The following EML6 variants were observed in gnomAD, a reference collection of about 807,000 sequenced individuals.
The protein encoded by EML6 is echinoderm microtubule-associated protein-like 6.
A neutral mutation model predicts 240.1 loss-of-function variants in EML6; 154 were observed. The ratio of observed to expected loss-of-function variants is 0.64; its 90% CI spans 0.56 to 0.73. The LOEUF is 0.73. Ranked by LOEUF, EML6 falls within the 30% of genes least tolerant of loss-of-function variation. The probability of loss-of-function intolerance (pLI) is 0.00; values close to 1 mark genes in which losing one functional copy is unlikely to be tolerated. For synonymous variants in EML6, 1,148 were observed against 899.0 expected (o/e 1.28, Z -4.95); for missense variants, 2,964 against 2,474.6 (o/e 1.20, Z -4.20).
chr2:54,814,651 A>C (rs559797887), intron 3 of EML6, among the ~76,000 whole-genome samples: 1 of 152,228 alleles, frequency 6.6e-6, no homozygotes, highest in East Asian at 1.9e-4. Context: ...GAAATTATTC[A>C]TAGAGGCTTA....
chr2:54,895,433 A>C (rs1201609113), intron 21 of EML6, 33 bp downstream of exon 21: 2 of 1,549,704 alleles, frequency 1.3e-6, no homozygotes, highest in Non-Finnish European at 1.7e-6. Flanking sequence ...ACTGCAGTTC[A>C]CATCAAGGCT....
chr2:54,852,193 T>A (rs1670126834), intron 10 of EML6, among the ~76,000 whole-genome samples: 1 of 152,240 alleles, frequency 6.6e-6, no homozygotes, highest in South Asian at 2.1e-4. Flanking sequence ...ATTTTTTAAA[T>A]GCTATTTTTG....
intron 28 of EML6, among the ~76,000 whole-genome samples, chr2:54,932,235 C>G (rs966463779): frequency 1.5e-4 from 23 of 152,222 alleles, no homozygotes. Context: ...TCCAGCTTTC[C>G]TCTAACACAC....
intron 2 of EML6, among the ~76,000 whole-genome samples, chr2:54,772,310 A>G (rs1364748615): frequency 3.9e-5 from 6 of 152,212 alleles, no homozygotes. Context: ...GAGAAGTGCT[A>G]TGGAAATATG....
At chr2:54,798,458 C>G (rs1003707570) in intron 2 of EML6, among the ~76,000 whole-genome samples, 1 of 152,126 alleles carries the variant, frequency 6.6e-6, no homozygotes. Flanking sequence ...CAGGCGTGAG[C>G]GACCACACCC....
Position 54,786,679 on chromosome 2 carries a change from A to G in EML6, c.198-26553A>G, listed in dbSNP as rs1293920428. 2.6e-5 allele frequency among the ~76,000 whole-genome samples: 4 copies of G among 152,244 alleles called. No individual in the cohort carries two copies. The East Asian group carries it at 7.7e-4, about 29-fold the overall frequency. On this transcript the variant is annotated intron_variant, in intron 2 of 41. Coordinates refer to ENST00000356458, the MANE Select transcript of EML6 (RefSeq NM_001039753.4). Reference sequence around the variant, plus strand: ...TATTATAGGACTCCATTGAGTCCAGATTTCAACAAAGAAATGGAGCAAACA... The same window carrying G: ...TATTATAGGACTCCATTGAGTCCAGGTTTCAACAAAGAAATGGAGCAAACA...
intron 7 of EML6, among the ~76,000 whole-genome samples, chr2:54,831,964 T>A (rs1364422239): frequency 6.6e-6 from 1 of 152,224 alleles, no homozygotes; most frequent in Admixed American, 6.5e-5. Context: ...TTTAAAACTT[T>A]GCTTTAAACT....
At chr2:54,861,381 C>A (rs957248774) in intron 12 of EML6, among the ~76,000 whole-genome samples, 3 of 152,152 alleles carry the variant, frequency 2.0e-5, no homozygotes, top group African/African-American at 7.2e-5. Context: ...ACAATGGGCC[C>A]ACTTCAGGAG....
At chr2:54,804,300 T>G (rs1366090669) in intron 2 of EML6, among the ~76,000 whole-genome samples, 1 of 152,228 alleles carries the variant, frequency 6.6e-6, no homozygotes, top group Non-Finnish European at 1.5e-5. Context: ...CCTCAATGCT[T>G]GAGTCATACT....
chr2:54,756,133 T>A (rs1462211063), intron 2 of EML6, among the ~76,000 whole-genome samples: 1 of 152,132 alleles, frequency 6.6e-6, no homozygotes, highest in Non-Finnish European at 1.5e-5. Flanking sequence ...TAGGTGGCAG[T>A]TTCTGCTTAC....
chr2:54,968,252 C>T lies in EML6; in HGVS notation c.5722C>T (p.Leu1908Phe). Residue 1908 changes from leucine to phenylalanine, a missense_variant, in exon 40 of 42, where the codon CTC becomes TTC. Coordinates refer to ENST00000356458, the MANE Select transcript of EML6 (RefSeq NM_001039753.4). ...AGGAGATGACTTTGGGCTGGTGAAG[C>T]TCTTTGATTTTCCATGCACAGAAAA... is the stretch of plus-strand genomic sequence containing the variant. ...VTGDDFGLVK[L>F]FDFPCTEKFA... 1.3e-6 allele frequency: 2 copies of T among 1,551,732 alleles called. No individual in the cohort carries two copies. The highest frequency in any genetic ancestry group is 1.7e-6 in the Non-Finnish European group (2 of 1,146,996).
intron 2 of EML6, among the ~76,000 whole-genome samples, chr2:54,763,408 T>C (rs1173234720): frequency 6.6e-6 from 1 of 152,248 alleles, no homozygotes; most frequent in Non-Finnish European, 1.5e-5. Flanking sequence ...GTTGATCTAA[T>C]TGAATTTTTG....
intron 2 of EML6, among the ~76,000 whole-genome samples, chr2:54,798,146 T>G (rs354950): frequency 0.16 from 24,252 of 152,128 alleles, 2,325 homozygotes; most frequent in Non-Finnish European, 0.21. Flanking sequence ...TTGTCTTTAA[T>G]TTTTCTATGT....
intron 2 of EML6, among the ~76,000 whole-genome samples, chr2:54,805,826 A>C (rs546834201): frequency 6.6e-6 from 1 of 152,262 alleles, no homozygotes; most frequent in African/African-American, 2.4e-5. Flanking sequence ...GTTTTTTTGC[A>C]TATGGTAAAA....
intron 3 of EML6, among the ~76,000 whole-genome samples, chr2:54,816,519 G>C (rs1668089024): frequency 6.6e-6 from 1 of 152,124 alleles, no homozygotes; most frequent in African/African-American, 2.4e-5. Flanking sequence ...TGACGTTTCA[G>C]AGATCTCCTG....
Position 54,958,148 on chromosome 2 carries a change from C to T in EML6, c.4695+150C>T, listed in dbSNP as rs561210559. 30 of 658,780 alleles carry T rather than the reference C, an allele frequency of 4.6e-5. 1 individual carries two copies. The highest frequency in any genetic ancestry group is 3.5e-4 in the African/African-American group (19 of 54,964). 40.8% of individuals were successfully genotyped at this position (658,780 alleles called of 1,614,324 possible). ...TCCTGTACTGGCTTATCTGCAACCACTGTTCCTTTTCTGTAGCACATATGG... is the reference window on the plus strand; with the variant it reads ...TCCTGTACTGGCTTATCTGCAACCATTGTTCCTTTTCTGTAGCACATATGG... On this transcript the variant is annotated intron_variant, in intron 33 of 41. Transcript: ENST00000356458.
intron 2 of EML6, among the ~76,000 whole-genome samples, chr2:54,746,842 C>A (rs1683936088): frequency 2.6e-5 from 4 of 152,146 alleles, no homozygotes; most frequent in Non-Finnish European, 5.9e-5. Context: ...AGCAATAAAT[C>A]AATGGAAATG....
chr2:54,932,991 C>G (rs1362708669), intron 28 of EML6, among the ~76,000 whole-genome samples: 1 of 152,172 alleles, frequency 6.6e-6, no homozygotes, highest in Non-Finnish European at 1.5e-5. Flanking sequence ...AGTGGGGCAA[C>G]TTCAGGTGGC....
At chr2:54,934,392 G>A (rs760900572) in intron 28 of EML6, among the ~76,000 whole-genome samples, 1 of 151,996 alleles carries the variant, frequency 6.6e-6, no homozygotes, top group East Asian at 1.9e-4. Flanking sequence ...CCACAGGCAC[G>A]CATAAGCTGT....
Sources: gnomAD v4.1 joint callset for allele counts (sites outside exome capture counted in the v4.1 genomes callset) on GRCh38, gnomAD v4.1.1 for gene constraint, MANE v1.5 for transcripts, NCBI Gene and HGNC (gene_info 2026-07-23, HGNC 2026-07-21) for gene names.